The following SNX7 variants were observed in gnomAD, a reference collection of about 807,000 sequenced individuals.
The protein encoded by SNX7 is sorting nexin 7.
SNX7 carries 35 observed loss-of-function variants against 48.4 expected under a neutral mutation model. The observed-to-expected ratio is 0.72, with a 90% CI of 0.55 to 0.96. The LOEUF (loss-of-function observed/expected upper bound fraction) is 0.96. Ranked by LOEUF, SNX7 falls within the 40% of genes least tolerant of loss-of-function variation. The pLI, the probability that SNX7 is intolerant of heterozygous loss-of-function variation, is 0.00. For missense variants in SNX7, 553 were observed against 548.9 expected (o/e 1.01, Z -0.07); for synonymous variants, 190 against 190.2 (o/e 1.00, Z 0.01).
At chr1:98,717,123 G>T (rs1002717651) in intron 7 of SNX7, among the ~76,000 whole-genome samples, 1 of 151,604 alleles carries the variant, frequency 6.6e-6, no homozygotes, top group Non-Finnish European at 1.5e-5. Flanking sequence ...TTCTTTCAAG[G>T]AATTATTATA....
At chr1:98,736,909 A>C (rs1385029201) in intron 7 of SNX7, among the ~76,000 whole-genome samples, 2 of 152,152 alleles carry the variant, frequency 1.3e-5, no homozygotes, top group African/African-American at 4.8e-5. Context: ...AAATGGTAGT[A>C]ACATATAAGG....
At chr1:98,726,456 C>T (rs889351987) in intron 7 of SNX7, among the ~76,000 whole-genome samples, 2 of 152,168 alleles carry the variant, frequency 1.3e-5, no homozygotes, top group African/African-American at 4.8e-5. Context: ...CTCTTCATAA[C>T]AGGTACATGT....
intron 1 of SNX7, 109 bp downstream of exon 1, chr1:98,662,020 T>A: frequency 8.7e-7 from 1 of 1,149,428 alleles, no homozygotes; most frequent in Non-Finnish European, 1.1e-6. Context: ...GGGCGGTGGC[T>A]CTGAGCTGGG....
At chr1:98,732,485 A>G (rs1653563025) in intron 7 of SNX7, among the ~76,000 whole-genome samples, 1 of 152,164 alleles carries the variant, frequency 6.6e-6, no homozygotes, top group Non-Finnish European at 1.5e-5. Flanking sequence ...TTTACATAAG[A>G]TAAGGTGAAC....
At chr1:98,711,907 A>G (rs967167328) in intron 7 of SNX7, among the ~76,000 whole-genome samples, 8 of 152,176 alleles carry the variant, frequency 5.3e-5, no homozygotes, top group Admixed American at 5.2e-4. Flanking sequence ...TTTTCATAAT[A>G]TTCTGAGTTC....
At chr1:98,693,969 G>T (rs558449526) in intron 4 of SNX7, among the ~76,000 whole-genome samples, 13 of 152,246 alleles carry the variant, frequency 8.5e-5, no homozygotes, top group Admixed American at 8.5e-4. Flanking sequence ...TACTTCTCAA[G>T]GGATATGTTT....
At chr1:98,741,680 T>A (rs562722049) in intron 8 of SNX7, among the ~76,000 whole-genome samples, 7 of 152,144 alleles carry the variant, frequency 4.6e-5, no homozygotes, top group Non-Finnish European at 8.8e-5. Context: ...AGAAAATGAC[T>A]TCCTGCTAAT....
chr1:98,701,961 T>A (rs908752477), intron 7 of SNX7, 58 bp downstream of exon 7: 17 of 1,197,538 alleles, frequency 1.4e-5, no homozygotes, highest in Middle Eastern at 3.9e-4. Flanking sequence ...AAATTTTTAT[T>A]AGCAATGTCC....
chr1:98,753,640 T>G (rs1654692956), intron 8 of SNX7, among the ~76,000 whole-genome samples: 1 of 152,082 alleles, frequency 6.6e-6, no homozygotes, highest in Non-Finnish European at 1.5e-5. Flanking sequence ...AAGTAGTAAT[T>G]GCTTTGGGGC....
chr1:98,688,767 A>T (rs1372831509), intron 2 of SNX7, among the ~76,000 whole-genome samples: 3 of 152,210 alleles, frequency 2.0e-5, no homozygotes, highest in Non-Finnish European at 4.4e-5. Context: ...AGAAAACTGT[A>T]TTCTATGTTA....
intron 8 of SNX7, among the ~76,000 whole-genome samples, chr1:98,757,330 T>C (rs145886890): frequency 0.013 from 2,002 of 152,186 alleles, 20 homozygotes; most frequent in Non-Finnish European, 0.021. Context: ...TTCTAGAGGC[T>C]AGAAGTCTAA....
intron 2 of SNX7, among the ~76,000 whole-genome samples, chr1:98,690,039 A>G (rs1219078072): frequency 6.6e-6 from 1 of 152,172 alleles, no homozygotes; most frequent in Non-Finnish European, 1.5e-5. Flanking sequence ...TATAGCTTTC[A>G]TGGACCTTAT....
intron 7 of SNX7, 133 bp from the exon 8 acceptor site, chr1:98,738,103 TA>T (rs1395562052): frequency 9.2e-6 from 8 of 865,878 alleles, no homozygotes; most frequent in Non-Finnish European, 1.4e-5. Context: ...GTACACAGAG[TA>T]AATACTGGTG....
At chr1:98,691,815 G>T in intron 4 of SNX7, 116 bp downstream of exon 4, 2 of 810,062 alleles carry the variant, frequency 2.5e-6, no homozygotes, top group Non-Finnish European at 3.5e-6. Flanking sequence ...GAATTGAGAT[G>T]GAATTTTTCA....
At chr1:98,720,277 A>G (rs1285126959) in intron 7 of SNX7, among the ~76,000 whole-genome samples, 1 of 152,074 alleles carries the variant, frequency 6.6e-6, no homozygotes, top group Non-Finnish European at 1.5e-5. Flanking sequence ...TTTCCTAGAA[A>G]TAACTGTTGT....
At chr1:98,753,908 T>G (rs1197826583) in intron 8 of SNX7, among the ~76,000 whole-genome samples, 1 of 152,090 alleles carries the variant, frequency 6.6e-6, no homozygotes, top group Non-Finnish European at 1.5e-5. Context: ...TGAAGGAGAT[T>G]TGTGAGTGGT....
chr1:98,662,828 G>A (rs1220605618), intron 1 of SNX7: 2 of 1,288,916 alleles, frequency 1.6e-6, no homozygotes, highest in East Asian at 5.6e-5. Flanking sequence ...TAAAGCAAAC[G>A]ACCTACTTAA....
At chr1:98,699,978 T>G (rs1432050905) in intron 6 of SNX7, among the ~76,000 whole-genome samples, 1 of 152,206 alleles carries the variant, frequency 6.6e-6, no homozygotes, top group Non-Finnish European at 1.5e-5. Flanking sequence ...ACTTCATTAT[T>G]GGGGTCACCC....
chr1:98,679,621 A>G (rs1650367017), intron 1 of SNX7, among the ~76,000 whole-genome samples: 1 of 152,206 alleles, frequency 6.6e-6, no homozygotes, highest in Admixed American at 6.5e-5. Context: ...TTGGGTAAAT[A>G]TACCCATTCC....
Sources: allele counts gnomAD v4.1 joint callset (sites outside exome capture counted in the v4.1 genomes callset), GRCh38; gene constraint gnomAD v4.1.1; transcripts MANE v1.5; gene names NCBI Gene and HGNC (gene_info 2026-07-23, HGNC 2026-07-21).